TENM2: variants seen among roughly 807,000 people sequenced by gnomAD.
The protein encoded by TENM2 is teneurin-2.
A neutral mutation model predicts 245.2 loss-of-function variants in TENM2; 52 were observed. The ratio of observed to expected loss-of-function variants is 0.21; its 90% confidence interval spans 0.17 to 0.27. TENM2 has a LOEUF of 0.27. TENM2 is among the 10% of genes least tolerant of loss of function. TENM2 has a pLI of 1.00. For synonymous variants in TENM2, 1,363 were observed against 1,438.9 expected, an observed-to-expected ratio of 0.95 and a Z score of 1.19; for missense variants, 3,046 against 3,666.8, an observed-to-expected ratio of 0.83 and a Z score of 4.37.
At chr5:167,333,236 G>C (rs568345085) in intron 1 of TENM2, among the ~76,000 whole-genome samples, 1 of 151,958 alleles carries the variant, frequency 6.6e-6, no homozygotes, top group African/African-American at 2.4e-5. Flanking sequence ...GAAAATGGGA[G>C]GGGGAACACT....
intron 2 of TENM2, among the ~76,000 whole-genome samples, chr5:167,497,230 C>T (rs1768879631): frequency 6.6e-6 from 1 of 151,990 alleles, no homozygotes; most frequent in Admixed American, 6.6e-5. Flanking sequence ...CTACCTGCTC[C>T]TCACTTTCTT....
At chr5:167,979,932 G>A (rs553246303) in intron 4 of TENM2, among the ~76,000 whole-genome samples, 2 of 152,324 alleles carry the variant, frequency 1.3e-5, no homozygotes, top group African/African-American at 4.8e-5. Flanking sequence ...TAAAAGTGTT[G>A]CATCTGAGAG....
chr5:167,014,140 C>CTTTTTTTTTT, the TENM2 span, among the ~76,000 whole-genome samples: 87,138 of 126,414 alleles, frequency 0.69, 31,241 homozygotes, highest in Non-Finnish European at 0.79. Flanking sequence ...AAAACCAATT[C>CTTTTTTTTTT]TTTTTTTTTT....
chr5:167,555,013 C>G (rs1469142138), intron 2 of TENM2, among the ~76,000 whole-genome samples: 1 of 152,072 alleles, frequency 6.6e-6, no homozygotes, highest in Non-Finnish European at 1.5e-5. Context: ...TCCCATCACT[C>G]ATCTCTCTGG....
chr5:167,689,276 G>A (rs1757271965), intron 2 of TENM2, among the ~76,000 whole-genome samples: 1 of 152,194 alleles, frequency 6.6e-6, no homozygotes, highest in African/African-American at 2.4e-5. Context: ...TTCTAAAACA[G>A]TGTCAGCCAG....
intron 2 of TENM2, among the ~76,000 whole-genome samples, chr5:167,764,872 G>T (rs905402084): frequency 1.3e-5 from 2 of 152,140 alleles, no homozygotes; most frequent in African/African-American, 4.8e-5. Flanking sequence ...CTGATGAACT[G>T]CTCAGCTACC....
chr5:167,498,574 C>T (rs1768964738), intron 2 of TENM2, among the ~76,000 whole-genome samples: 1 of 152,096 alleles, frequency 6.6e-6, no homozygotes, highest in Non-Finnish European at 1.5e-5. Context: ...GGTGTACATT[C>T]ACACATCCTG....
intron 2 of TENM2, among the ~76,000 whole-genome samples, chr5:167,648,700 AGGGG>A (rs1244834437): frequency 6.6e-6 from 1 of 152,168 alleles, no homozygotes; most frequent in Non-Finnish European, 1.5e-5. Context: ...GAAGAGGTGC[AGGGG>A]GACCCTTCAC....
chr5:167,200,311 C>A, the TENM2 span, among the ~76,000 whole-genome samples: 1 of 152,028 alleles, frequency 6.6e-6, no homozygotes, highest in Non-Finnish European at 1.5e-5. Flanking sequence ...GCATGAGGGA[C>A]CACTCCATAC....
chr5:167,041,166 C>T, the TENM2 span, among the ~76,000 whole-genome samples: 3 of 152,222 alleles, frequency 2.0e-5, no homozygotes, highest in Non-Finnish European at 4.4e-5. Flanking sequence ...ACAGTGTTTA[C>T]TGAATCCTTT....
chr5:168,179,189 C>A (rs1417157185), intron 13 of TENM2, among the ~76,000 whole-genome samples: 1 of 146,768 alleles, frequency 6.8e-6, no homozygotes, highest in African/African-American at 2.5e-5. Flanking sequence ...ACATGTGAAT[C>A]ATGAATCACT....
At chr5:168,032,572 G>C (rs544299774) in intron 5 of TENM2, among the ~76,000 whole-genome samples, 14 of 151,762 alleles carry the variant, frequency 9.2e-5, no homozygotes, top group Non-Finnish European at 2.1e-4. Context: ...GAGAAGGACC[G>C]ATCCCATAGG....
chr5:167,498,545 A>T (rs1025480), intron 2 of TENM2, among the ~76,000 whole-genome samples: 100,073 of 151,956 alleles, frequency 0.66, 34,758 homozygotes, highest in Non-Finnish European at 0.79. Context: ...CCTCTGGTCT[A>T]AACGTTTTGT....
chr5:167,651,603 G>C (rs780230495), intron 2 of TENM2, among the ~76,000 whole-genome samples: 1 of 152,106 alleles, frequency 6.6e-6, no homozygotes, highest in Admixed American at 6.5e-5. Context: ...TTACTTCCAA[G>C]TCTAATGGTT....
chr5:167,179,445 T>A, the TENM2 span, among the ~76,000 whole-genome samples: 1 of 152,206 alleles, frequency 6.6e-6, no homozygotes, highest in African/African-American at 2.4e-5. Context: ...AAGTAATTTA[T>A]CAGCTACATT....
chr5:168,017,959 T>G (rs1297214921), intron 5 of TENM2, among the ~76,000 whole-genome samples: 1 of 152,160 alleles, frequency 6.6e-6, no homozygotes, highest in African/African-American at 2.4e-5. Flanking sequence ...CATCTGCTCT[T>G]TCTCATAGCT....
At chr5:167,534,608 G>A (rs563658775) in intron 2 of TENM2, among the ~76,000 whole-genome samples, 3 of 152,250 alleles carry the variant, frequency 2.0e-5, no homozygotes, top group Middle Eastern at 6.8e-3. Flanking sequence ...GAAAGCATTT[G>A]GACTTTATTC....
At chr5:168,207,033 C>G (rs1457431832) in intron 19 of TENM2, among the ~76,000 whole-genome samples, 1 of 152,192 alleles carries the variant, frequency 6.6e-6, no homozygotes, top group African/African-American at 2.4e-5. Flanking sequence ...AGGGCCCCCT[C>G]TTCCACGTAG....
rs5873049 is a variant in TENM2 at position 167,609,488 on chromosome 5, C to CA, written c.502+234039dup. On this transcript the variant is annotated intron_variant, in intron 2 of 28. Transcript: ENST00000518659. ...TGCCTTTTTTCTTTGCCTGATGATGCAAAAAAAAAAAAAAAAAAAAAAAAC... is the reference window on the plus strand; with the variant it reads ...TGCCTTTTTTCTTTGCCTGATGATGCAAAAAAAAAAAAAAAAAAAAAAAAAC... Among the ~76,000 whole-genome samples the CA allele has an allele frequency of 6.8e-3, 248 of 36,596 alleles. 4 individuals are homozygous for CA. The highest frequency in any genetic ancestry group is 0.019 in the South Asian group (13 of 680). The allele number at this position is 36,596 out of a possible 152,430, so 24.0% of individuals were successfully genotyped here.
Sources: allele counts gnomAD v4.1 joint callset (sites outside exome capture counted in the v4.1 genomes callset), GRCh38; gene constraint gnomAD v4.1.1; transcripts MANE v1.5; gene names NCBI Gene and HGNC (gene_info 2026-07-23, HGNC 2026-07-21).